SURF1: variants seen among roughly 807,000 people sequenced by gnomAD.
SURF1 encodes SURF1 cytochrome c oxidase assembly factor, also known as surfeit locus protein 1.
SURF1 carries 45 observed loss-of-function variants against 34.1 expected under a neutral mutation model. That is an observed-to-expected ratio of 1.32 (90% CI 1.04 to 1.69). The LOEUF is 1.69. Among genes scored for constraint, SURF1 ranks in the 40% most tolerant of loss-of-function variants. SURF1 has a pLI of 0.00. For synonymous variants in SURF1, 188 were observed against 147.5 expected (o/e 1.27, Z -1.99); for missense variants, 456 against 384.6 (o/e 1.19, Z -1.55).
rs1773521003 is a variant in SURF1 at position 133,356,422 on chromosome 9, A to G, written c.32T>C (p.Leu11Pro). MAAVAALQLG[L>P]RAAGLGRAPA... ...CACCCGTCCCAGCCCCGCCGCCCGC[A>G]GCCCCAGCTGCAACGCAGCCACCGC... Residue 11 changes from leucine (L) to proline (P), a missense_variant, in exon 1 of 9, where the codon CTG becomes CCG. By Grantham distance (98) the Leu-to-Pro change is moderately conservative. Coordinates refer to ENST00000371974, the MANE Select transcript of SURF1 (RefSeq NM_003172.4). 2.2e-6 allele frequency: 3 copies of G among 1,381,036 alleles called. No homozygotes were observed. Among genetic ancestry groups the G allele is most frequent in the South Asian group, 1.6e-5 (1 of 62,940 alleles). The allele number at this position is 1,381,036 out of a possible 1,614,324, so 85.5% of individuals were successfully genotyped here.
chr9:133,352,121 G>A lies in SURF1; in HGVS notation c.773C>T (p.Pro258Leu). 2 of 1,604,930 alleles carry A rather than the reference G, an allele frequency of 1.2e-6. No individual in the cohort carries two copies. Among genetic ancestry groups the A allele is most frequent in the Non-Finnish European group, 1.7e-6 (2 of 1,175,308 alleles). The change falls in exon 8 of 9, where the codon CCC becomes CTC. Residue 258 changes from proline (P) to leucine (L), a missense_variant. Transcript: ENST00000371974. ...AGTAACTCTGGTTTGCCCTCCAATG[G>A]GTCCTCCAGGGACTGTGCTCTCTGT... ...ANFQSTVPGGPIGGQTRVTLR... is the reference protein window; with the variant it reads ...ANFQSTVPGGLIGGQTRVTLR...
At chr9:133,352,278 GTCCGCTC>G in intron 7 of SURF1, 136 bp from the exon 8 acceptor site, 1 of 1,372,782 alleles carries the variant, frequency 7.3e-7, no homozygotes, top group Admixed American at 1.9e-5. Context: ...CCCCGCCCTT[GTCCGCTC>G]AGTACTTGCC....
At position 133,356,424 on chromosome 9, in the gene SURF1, C is replaced by T; in HGVS notation, c.30G>A (p.Gly10=). MAAVAALQL[G]LRAAGLGRAP... is the part of the protein sequence containing the mutation. ...CCCGTCCCAGCCCCGCCGCCCGCAG[C>T]CCCAGCTGCAACGCAGCCACCGCCG... is the stretch of plus-strand genomic sequence containing the variant. Residue 10 remains glycine, a synonymous_variant, in exon 1 of 9, where the codon GGG becomes GGA. Coordinates refer to ENST00000371974, the MANE Select transcript of SURF1 (RefSeq NM_003172.4). 1 of 1,399,476 alleles carries T rather than the reference C, an allele frequency of 7.1e-7. No individual in the cohort carries two copies. The highest frequency in any genetic ancestry group is 1.5e-5 in the South Asian group (1 of 65,642). The allele number at this position is 1,399,476 out of a possible 1,614,324, so 86.7% of individuals were successfully genotyped here. A position where few individuals can be genotyped will look rare whatever the true frequency, so the allele number is the denominator to read the frequency against.
chr9:133,356,065 A>G, intron 2 of SURF1: 1 of 676,612 alleles, frequency 1.5e-6, no homozygotes, highest in Non-Finnish European at 2.5e-6. Context: ...TCGCGTTGTG[A>G]GGACAAAGCG....
chr9:133,352,001 C>T lies in SURF1; in HGVS notation c.834-19G>A, dbSNP rs1427282719. 47 of 1,613,420 alleles carry T rather than the reference C, an allele frequency of 2.9e-5. No homozygotes were observed. The highest frequency in any genetic ancestry group is 3.7e-5 in the Non-Finnish European group (44 of 1,179,816). On this transcript the variant is annotated intron_variant, in intron 8 of 8. Transcript: ENST00000371974. ...TCCATACCTAGGGGTTGAAAGCAAG[C>T]CAGCATTAGCAGGCTGCTAGGCTGA... is the stretch of plus-strand genomic sequence containing the variant.
At position 133,351,964 on chromosome 9, in the gene SURF1, A is replaced by G; in HGVS notation, c.852T>C (p.Ala284=). 6.2e-7 allele frequency: 1 copy of G among 1,613,962 alleles called. No homozygotes were observed. The highest frequency in any genetic ancestry group is 1.1e-5 in the South Asian group (1 of 91,024). The change falls in exon 9 of 9, where the codon GCT becomes GCC. Residue 284 remains alanine (A), a synonymous_variant. Transcript: ENST00000371974. Reference sequence around the variant, plus strand: ...ATTTCTTAAACCACAGGTAGGATGTAGCTGCAGAGAGTCCATACCTAGGGG... The same window carrying G: ...ATTTCTTAAACCACAGGTAGGATGTGGCTGCAGAGAGTCCATACCTAGGGG... The part of the protein sequence containing the change: ...YIVTWYGLSA[A]TSYLWFKKFL...
chr9:133,352,884 G>A, intron 5 of SURF1, 118 bp from the exon 6 acceptor site: 1 of 1,176,986 alleles, frequency 8.5e-7, no homozygotes, highest in Admixed American at 2.0e-5. Flanking sequence ...TTTAAAACAG[G>A]GCTGGCTCAG....
intron 2 of SURF1, among the ~76,000 whole-genome samples, chr9:133,355,192 C>T (rs1303241517): frequency 1.3e-5 from 2 of 152,240 alleles, no homozygotes; most frequent in African/African-American, 2.4e-5. Flanking sequence ...CCACCAACCA[C>T]GACCCTGAGT....
At chr9:133,354,043 G>C in intron 4 of SURF1, 103 bp from the exon 5 acceptor site, 1 of 1,337,432 alleles carries the variant, frequency 7.5e-7, no homozygotes, top group Admixed American at 1.7e-5. Flanking sequence ...AAGTGAAGGA[G>C]AAAGGCAAAG....
chr9:133,352,344 G>T, intron 7 of SURF1, 102 bp downstream of exon 7: 1 of 1,583,106 alleles, frequency 6.3e-7, no homozygotes, highest in Non-Finnish European at 8.7e-7. Flanking sequence ...ATATACACAT[G>T]TGAGAACATA....
In SURF1 at chr9:133,353,917, T is replaced by C. The variant is rs1018457058; in HGVS notation, c.347A>G (p.Glu116Gly). The C allele has an allele frequency of 6.2e-7, 1 of 1,613,868 alleles. No homozygotes were observed. Among genetic ancestry groups the C allele is most frequent in the Admixed American group, 1.7e-5 (1 of 60,018 alleles). The change falls in exon 5 of 9, where the codon GAG (glutamate) becomes GGG (glycine). Residue 116 changes from glutamate to glycine, a missense_variant. Glu to Gly is a moderately conservative substitution (Grantham distance 98). Coordinates refer to ENST00000371974, the MANE Select transcript of SURF1 (RefSeq NM_003172.4). ...PADPMELKNL[E>G]YRPVKVRGCF... is the part of the protein sequence containing the mutation. ...CCCCCTGACCTTCACTGGCCTATAC[T>C]CCAGATTTTTCAGTTCCATTGGGCT...
chr9:133,355,846 C>T (rs1275101388), intron 2 of SURF1, among the ~76,000 whole-genome samples: 1 of 151,242 alleles, frequency 6.6e-6, no homozygotes, highest in African/African-American at 2.4e-5. Context: ...AAAGGCAGGC[C>T]TGGGGCAGGC....
At chr9:133,354,087 G>T in intron 4 of SURF1, 147 bp from the exon 5 acceptor site, 1 of 858,316 alleles carries the variant, frequency 1.2e-6, no homozygotes, top group Non-Finnish European at 1.9e-6. Flanking sequence ...TTGATGCCAT[G>T]TGGGAATGTG....
In SURF1 at chr9:133,351,865, T is replaced by A. The variant is rs2130002112; in HGVS notation, c.*48A>T. On this transcript the variant is annotated 3_prime_UTR_variant, in exon 9 of 9. Transcript: ENST00000371974. ...AGCACATGATCCAGCATAAAGGCAGTCTTGAAATACTGCATTATCCAGGGA... is the reference window on the plus strand; with the variant it reads ...AGCACATGATCCAGCATAAAGGCAGACTTGAAATACTGCATTATCCAGGGA... The A allele has an allele frequency of 6.3e-7, 1 of 1,587,312 alleles. No homozygotes were observed. Among genetic ancestry groups the A allele is most frequent in the East Asian group, 2.2e-5 (1 of 44,648 alleles).
At chr9:133,352,361 A>G (rs1355025423) in intron 7 of SURF1, 85 bp downstream of exon 7, 11 of 1,597,770 alleles carry the variant, frequency 6.9e-6, no homozygotes, top group South Asian at 2.2e-5. Context: ...CATAAGCCAC[A>G]GTAGTGACTG....
At position 133,352,108 on chromosome 9, in the gene SURF1, T is replaced by A; in HGVS notation, c.786A>T (p.Gln262His). Reference sequence around the variant, plus strand: ...GCTCGTTCCTCAGAGTAACTCTGGTTTGCCCTCCAATGGGTCCTCCAGGGA... The same window carrying A: ...GCTCGTTCCTCAGAGTAACTCTGGTATGCCCTCCAATGGGTCCTCCAGGGA... ...STVPGGPIGG[Q>H]TRVTLRNEHL... is the part of the protein sequence containing the mutation. The change falls in exon 8 of 9, where the codon CAA (glutamine) becomes CAT (histidine). Residue 262 changes from glutamine (Q) to histidine (H), a missense_variant. Gln to His is a conservative substitution (Grantham distance 24, BLOSUM62 0). Transcript: ENST00000371974. 6.2e-7 allele frequency: 1 copy of A among 1,608,940 alleles called. No homozygotes were observed.
At chr9:133,355,933 T>A (rs907653316) in intron 2 of SURF1, among the ~76,000 whole-genome samples, 1 of 152,084 alleles carries the variant, frequency 6.6e-6, no homozygotes. Flanking sequence ...GGTGGTTAGA[T>A]ACGCTTTACT....
At position 133,352,532 on chromosome 9, in the gene SURF1, G is replaced by A; in HGVS notation, c.665C>T (p.Pro222Leu). ...TRQPFVPENN[P>L]ERNHWHYRDL... is the part of the protein sequence containing the mutation. ...TCGATAATGCCAGTGGTTCCTTTCT[G>A]GATTGTTCTCAGGGACAAAAGGCTG... Residue 222 changes from proline (P) to leucine (L), a missense_variant, in exon 7 of 9, where the codon CCA becomes CTA. Pro to Leu is a moderately conservative substitution (Grantham distance 98). Coordinates refer to ENST00000371974, the MANE Select transcript of SURF1 (RefSeq NM_003172.4). 1 of 1,614,208 alleles carries A rather than the reference G, an allele frequency of 6.2e-7. No individual in the cohort carries two copies. Among genetic ancestry groups the A allele is most frequent in the Non-Finnish European group, 8.5e-7 (1 of 1,180,042 alleles).
chr9:133,354,803 A>G lies in SURF1; in HGVS notation c.240+21T>C, dbSNP rs112887839. 5,215 of 1,613,730 alleles carry G rather than the reference A, an allele frequency of 3.2e-3. 11 individuals carry two copies. The highest frequency in any genetic ancestry group is 3.9e-3 in the Non-Finnish European group (4,556 of 1,180,006). Reference sequence around the variant, plus strand: ...CAAGGTCAAGGGCCCAGAGTTACGCACACCAGATGCCGGTCTTTACCTGCC... The same window carrying G: ...CAAGGTCAAGGGCCCAGAGTTACGCGCACCAGATGCCGGTCTTTACCTGCC... On this transcript the variant is annotated intron_variant, in intron 3 of 8. Coordinates refer to ENST00000371974, the MANE Select transcript of SURF1 (RefSeq NM_003172.4).
Sources: allele counts gnomAD v4.1 joint callset (sites outside exome capture counted in the v4.1 genomes callset), GRCh38; gene constraint gnomAD v4.1.1; transcripts MANE v1.5; gene names NCBI Gene and HGNC (gene_info 2026-07-23, HGNC 2026-07-21).